The following WWOX variants were observed in gnomAD, a reference collection of about 807,000 sequenced individuals.
WWOX encodes the protein WW domain-containing oxidoreductase.
In WWOX, 69 loss-of-function variants were observed where a neutral mutation model predicts 46.2. The observed-to-expected ratio is 1.49, with a 90% CI of 1.23 to 1.82. WWOX has a LOEUF of 1.82. Among genes scored for constraint, WWOX ranks in the 40% most tolerant of loss-of-function variants. The pLI is 0.00. For missense variants in WWOX, 919 were observed against 542.6 expected, an observed-to-expected ratio of 1.69 and a Z score of -6.89; for synonymous variants, 359 against 202.6, an observed-to-expected ratio of 1.77 and a Z score of -6.56.
intron 6 of WWOX, 90 bp downstream of exon 6, chr16:78,387,038 G>C: frequency 7.4e-7 from 1 of 1,356,078 alleles, no homozygotes; most frequent in Non-Finnish European, 1.1e-6. Context: ...ATGCAAGGCT[G>C]TTGTGTTGTC....
At chr16:78,368,751 G>A (rs1221362025) in intron 5 of WWOX, among the ~76,000 whole-genome samples, 1 of 152,150 alleles carries the variant, frequency 6.6e-6, no homozygotes, top group Non-Finnish European at 1.5e-5. Flanking sequence ...CTGCAACTTA[G>A]CTGGCTTTTA....
intron 8 of WWOX, among the ~76,000 whole-genome samples, chr16:78,815,259 A>C (rs2051299275): frequency 6.6e-6 from 1 of 151,110 alleles, no homozygotes; most frequent in East Asian, 2.0e-4. Flanking sequence ...TCGGAGATGG[A>C]GGTTGCAGTG....
intron 5 of WWOX, among the ~76,000 whole-genome samples, chr16:78,191,319 ATTGAGCTACTAAG>A (rs1282046885): frequency 6.6e-6 from 1 of 152,204 alleles, no homozygotes; most frequent in African/African-American, 2.4e-5. Flanking sequence ...CTTTTGGACC[ATTGAGCTACTAAG>A]TTGGAGCAAC....
At chr16:78,361,182 T>C (rs1271727708) in intron 5 of WWOX, among the ~76,000 whole-genome samples, 1 of 152,162 alleles carries the variant, frequency 6.6e-6, no homozygotes, top group Non-Finnish European at 1.5e-5. Flanking sequence ...CTTGAGACCT[T>C]GATTTGTCCA....
At chr16:78,226,576 CCTTTCTTCCTTTATTT>C (rs1217355956) in intron 5 of WWOX, among the ~76,000 whole-genome samples, 2 of 139,340 alleles carry the variant, frequency 1.4e-5, no homozygotes, top group Non-Finnish European at 1.5e-5. Context: ...CCTTCTTCTT[CCTTTCTTCCTTTATTT>C]CTTTCTTCCT....
At chr16:78,583,600 T>C (rs2045117466) in intron 8 of WWOX, among the ~76,000 whole-genome samples, 1 of 152,186 alleles carries the variant, frequency 6.6e-6, no homozygotes, top group Non-Finnish European at 1.5e-5. Context: ...CCCATTCATC[T>C]TCCCAAGCTG....
intron 8 of WWOX, among the ~76,000 whole-genome samples, chr16:78,462,728 G>A (rs1265355665): frequency 6.6e-6 from 1 of 152,190 alleles, no homozygotes; most frequent in Non-Finnish European, 1.5e-5. Context: ...ACAAACTGGC[G>A]TATGTTATAG....
intron 8 of WWOX, among the ~76,000 whole-genome samples, chr16:79,095,096 G>A (rs144087264): frequency 3.3e-4 from 50 of 152,236 alleles, no homozygotes; most frequent in African/African-American, 8.9e-4. Flanking sequence ...CCCCAGCCCC[G>A]TTCTATTGCA....
At chr16:78,334,735 G>A (rs2080839906) in intron 5 of WWOX, among the ~76,000 whole-genome samples, 2 of 151,050 alleles carry the variant, frequency 1.3e-5, no homozygotes, top group Admixed American at 1.3e-4. Context: ...TAACCCATAT[G>A]GGAGAAATTT....
rs2082546394 is a variant in WWOX at position 78,406,395 on chromosome 16, C to T, written c.606-18475C>T. 2.2e-5 allele frequency among the ~76,000 whole-genome samples: 3 copies of T among 137,622 alleles called. No individual in the cohort carries two copies. The South Asian group carries it at 7.1e-4, about 32-fold the overall frequency. 90.3% of individuals were successfully genotyped at this position (137,622 alleles called of 152,430 possible). ...TTGAGACGGAGTCTTGCTCTGTCAC[C>T]AGGCTGGAGTGCAGTGGTGCAATCT... is the stretch of plus-strand genomic sequence containing the variant. On this transcript the variant is annotated intron_variant, in intron 6 of 8. Transcript: ENST00000566780.
At chr16:79,008,329 G>C (rs1383125553) in intron 8 of WWOX, among the ~76,000 whole-genome samples, 2 of 152,160 alleles carry the variant, frequency 1.3e-5, no homozygotes, top group Non-Finnish European at 2.9e-5. Context: ...TAAGGGCCTA[G>C]CGATTAGATC....
chr16:78,636,575 GTAAT>G (rs1200743107), intron 8 of WWOX, among the ~76,000 whole-genome samples: 1 of 152,042 alleles, frequency 6.6e-6, no homozygotes, highest in Non-Finnish European at 1.5e-5. Flanking sequence ...TTGCTTACTA[GTAAT>G]GACCCTCTTT....
chr16:78,204,695 A>T (rs1397633871), intron 5 of WWOX, among the ~76,000 whole-genome samples: 1 of 152,176 alleles, frequency 6.6e-6, no homozygotes, highest in Non-Finnish European at 1.5e-5. Flanking sequence ...GCATCATGGG[A>T]CTGCACAATC....
chr16:78,589,852 T>G (rs2045309283), intron 8 of WWOX, among the ~76,000 whole-genome samples: 1 of 152,184 alleles, frequency 6.6e-6, no homozygotes, highest in South Asian at 2.1e-4. Flanking sequence ...TGATGCTACT[T>G]CTTAGCTGCA....
Position 79,044,964 on chromosome 16 carries a change from G to A in WWOX, c.1057-166644G>A, listed in dbSNP as rs149337974. On this transcript the variant is annotated intron_variant, in intron 8 of 8. Coordinates refer to ENST00000566780, the MANE Select transcript of WWOX (RefSeq NM_016373.4). ...TAATCAATGAGATAATGTGCATAAA[G>A]ATTTACATACATAATAACTGCTCAA... 1.8e-4 allele frequency among the ~76,000 whole-genome samples: 28 copies of A among 152,256 alleles called. 1 individual carries two copies. The East Asian group carries it at 5.4e-3, about 29-fold the overall frequency.
intron 8 of WWOX, among the ~76,000 whole-genome samples, chr16:78,501,623 G>T (rs914082608): frequency 6.6e-6 from 1 of 151,452 alleles, no homozygotes; most frequent in African/African-American, 2.4e-5. Context: ...TGCAACCTCT[G>T]TCTCCTGGCT....
rs887617441 is a variant in WWOX at position 78,348,828 on chromosome 16, A to G, written c.517-38032A>G. Among the ~76,000 whole-genome samples, 6 of 120,760 alleles carry G rather than the reference A, an allele frequency of 5.0e-5. 2 individuals carry two copies. The highest frequency in any genetic ancestry group is 1.2e-4 in the Non-Finnish European group (6 of 50,636). 79.2% of individuals were successfully genotyped at this position (120,760 alleles called of 152,430 possible). A position where few individuals can be genotyped will look rare whatever the true frequency, so the allele number is the denominator to read the frequency against. On this transcript the variant is annotated intron_variant, in intron 5 of 8. Transcript: ENST00000566780. ...GCTATAAGCAAAATACAAGAGAAAT[A>G]TAAGAGAAAGAAAGACTTGTATCTG...
At chr16:78,407,743 C>G (rs547963626) in intron 6 of WWOX, among the ~76,000 whole-genome samples, 1 of 152,166 alleles carries the variant, frequency 6.6e-6, no homozygotes, top group African/African-American at 2.4e-5. Context: ...GGCTATTCAA[C>G]GTCCTGTAGA....
At chr16:79,066,856 G>C (rs1045343685) in intron 8 of WWOX, among the ~76,000 whole-genome samples, 14 of 152,156 alleles carry the variant, frequency 9.2e-5, no homozygotes, top group African/African-American at 3.4e-4. Flanking sequence ...TCAAGCCTTG[G>C]CTGCCTCGAT....
Sources: allele counts gnomAD v4.1 joint callset (sites outside exome capture counted in the v4.1 genomes callset), GRCh38; gene constraint gnomAD v4.1.1; transcripts MANE v1.5; gene names NCBI Gene and HGNC (gene_info 2026-07-23, HGNC 2026-07-21).